BCOR: variants seen among roughly 807,000 people sequenced by gnomAD.
BCOR encodes the protein BCL-6 corepressor.
A neutral mutation model predicts 86.7 loss-of-function variants in BCOR; 10 were observed. The ratio of observed to expected loss-of-function variants is 0.12; its 90% confidence interval spans 0.07 to 0.20. The LOEUF (loss-of-function observed/expected upper bound fraction) is 0.20, where lower values mean the gene tolerates loss of function less well. BCOR is among the 10% of genes least tolerant of loss of function. The pLI, the probability that BCOR is intolerant of heterozygous loss-of-function variation, is 1.00. For missense variants in BCOR, 1,259 were observed against 1,452.1 expected (o/e 0.87, Z 2.16); for synonymous variants, 611 against 609.0 (o/e 1.00, Z -0.05).
intron 1 of BCOR, chrX:40,146,426 C>T (rs1938057067): frequency 9.0e-6 from 1 of 111,502 alleles, no homozygotes; most frequent in Admixed American, 9.3e-5. Flanking sequence ...GGCCGAGAGG[C>T]TGATTTAAAG....
chrX:40,136,564 T>A (rs1445013288), intron 1 of BCOR, among the ~76,000 whole-genome samples: 1 of 112,116 alleles, frequency 8.9e-6, no homozygotes, highest in Non-Finnish European at 1.9e-5. Flanking sequence ...TGCAATATTA[T>A]ATATTTTTAT....
At chrX:40,105,457 C>A (rs755026531) in intron 1 of BCOR, among the ~76,000 whole-genome samples, 7 of 112,218 alleles carry the variant, frequency 6.2e-5, no homozygotes, top group African/African-American at 2.3e-4. Context: ...CCTCCTCGCC[C>A]CAGGCGACCA....
intron 1 of BCOR, among the ~76,000 whole-genome samples, chrX:40,112,556 G>C (rs931875693): frequency 9.0e-6 from 1 of 111,381 alleles, no homozygotes; most frequent in African/African-American, 3.3e-5. Context: ...GGTGGTGCTA[G>C]GATTCAAATC....
chrX:40,121,765 GGAAA>G (rs919761914), intron 1 of BCOR, among the ~76,000 whole-genome samples: 2 of 112,275 alleles, frequency 1.8e-5, no homozygotes, highest in African/African-American at 6.5e-5. Context: ...TGAGTATGGG[GGAAA>G]GAGAGTTTCA....
chrX:40,059,238 T>C (rs1350963817), intron 10 of BCOR, among the ~76,000 whole-genome samples: 3 of 112,250 alleles, frequency 2.7e-5, no homozygotes, highest in African/African-American at 6.5e-5. Context: ...ACTTCTGATG[T>C]TCCCAAATGT....
chrX:40,090,432 C>T (rs886186610), intron 1 of BCOR, among the ~76,000 whole-genome samples: 3 of 112,968 alleles, frequency 2.7e-5, no homozygotes, highest in Non-Finnish European at 3.8e-5. Context: ...CAGTCCTCCC[C>T]GGCCCCCACC....
chrX:40,056,787 T>C (rs770777422), intron 11 of BCOR, among the ~76,000 whole-genome samples: 15 of 111,426 alleles, frequency 1.3e-4, no homozygotes, highest in African/African-American at 4.2e-4. Flanking sequence ...GAGGGGCAGC[T>C]GGCACTCTGT....
At chrX:40,065,678 T>C (rs1399634311) in intron 6 of BCOR, among the ~76,000 whole-genome samples, 1 of 112,239 alleles carries the variant, frequency 8.9e-6, no homozygotes, top group Non-Finnish European at 1.9e-5. Flanking sequence ...TGAATATAAA[T>C]GATAACTACT....
chrX:40,071,560 C>G (rs1935481532), intron 5 of BCOR, 77 bp downstream of exon 5: 1 of 757,570 alleles, frequency 1.3e-6, no homozygotes, highest in East Asian at 3.2e-5. Context: ...CACAAACTTC[C>G]CTTTGTATAT....
intron 1 of BCOR, among the ~76,000 whole-genome samples, chrX:40,078,964 G>A (rs967717612): frequency 1.8e-5 from 2 of 110,997 alleles, no homozygotes; most frequent in African/African-American, 6.6e-5. Context: ...GATTTTAATT[G>A]CTCTTTGGAG....
intron 1 of BCOR, among the ~76,000 whole-genome samples, chrX:40,142,915 C>T (rs909668878): frequency 4.5e-5 from 5 of 111,784 alleles, no homozygotes; most frequent in Non-Finnish European, 9.4e-5. Flanking sequence ...AGCTTCCTCT[C>T]AGCCTACGTA....
At chrX:40,163,181 C>T (rs890344157) in intron 1 of BCOR, among the ~76,000 whole-genome samples, 5 of 110,546 alleles carry the variant, frequency 4.5e-5, no homozygotes, top group Non-Finnish European at 9.5e-5. Context: ...TTGTTGGGAG[C>T]GATGAAGGGT....
At chrX:40,176,162 C>G (rs1383992663) in intron 1 of BCOR, among the ~76,000 whole-genome samples, 1 of 113,005 alleles carries the variant, frequency 8.8e-6, no homozygotes, top group Non-Finnish European at 1.9e-5. Context: ...CAGGTGGGGC[C>G]GATGGTTTGT....
At chrX:40,055,259 C>T in intron 12 of BCOR, 109 bp downstream of exon 12, 1 of 836,273 alleles carries the variant, frequency 1.2e-6, no homozygotes, top group Non-Finnish European at 1.8e-6. Context: ...CTCCTAAAAG[C>T]TTTACAGTTT....
chrX:40,139,445 T>A lies in BCOR; in HGVS notation c.-41+37562A>T, dbSNP rs780439789. Reference sequence around the variant, plus strand: ...ATATACATATATATATATATATATATAATATATATACATATATATATATAT... The same window carrying A: ...ATATACATATATATATATATATATAAAATATATATACATATATATATATAT... On this transcript the variant is annotated intron_variant, in intron 1 of 14. Transcript: ENST00000342274. 1.7e-3 allele frequency among the ~76,000 whole-genome samples: 13 copies of A among 7,845 alleles called. 1 individual carries two copies. In the African/African-American group the frequency reaches 0.025, roughly 15 times the overall value. The allele number at this position is 7,845 out of a possible 115,157, so 6.8% of individuals were successfully genotyped here.
At chrX:40,053,216 T>C (rs980993257) in intron 14 of BCOR, among the ~76,000 whole-genome samples, 1 of 112,280 alleles carries the variant, frequency 8.9e-6, no homozygotes, top group Non-Finnish European at 1.9e-5. Flanking sequence ...AGGTGTTACA[T>C]TCCTTGCATA....
chrX:40,062,384 G>A lies in BCOR; in HGVS notation c.4183C>T (p.Arg1395Trp), dbSNP rs1288166926. The change falls in exon 10 of 15, where the codon CGG becomes TGG. Residue 1395 changes from arginine (R) to tryptophan (W), a missense_variant. This residue lies in a region of BCOR where 305 missense variants were observed against 286.1 expected (regional missense o/e 1.07). Transcript: ENST00000378444. ...GGCTCCGGCCGCTTTCTGAATCTCC[G>A]GACAGTCACCTATCATAAAACCAAG... is the stretch of plus-strand genomic sequence containing the variant. ...VENADGKVTV[R>W]RFRKRPEPSS... 8 of 1,204,171 alleles carry A rather than the reference G, an allele frequency of 6.6e-6. No individual in the cohort carries two copies. The South Asian group carries it at 1.1e-4, about 16-fold the overall frequency.
intron 10 of BCOR, among the ~76,000 whole-genome samples, chrX:40,059,634 C>T (rs1934768855): frequency 8.9e-6 from 1 of 112,912 alleles, no homozygotes; most frequent in Non-Finnish European, 1.9e-5. Context: ...GTTTATTCTC[C>T]ACGCTGGAAA....
At chrX:40,089,049 C>T (rs1181407587) in intron 1 of BCOR, among the ~76,000 whole-genome samples, 5 of 111,497 alleles carry the variant, frequency 4.5e-5, no homozygotes, top group African/African-American at 1.3e-4. Flanking sequence ...CCTAGAATAC[C>T]CTCGTAGGGG....
Sources: gnomAD v4.1 joint callset for allele counts (sites outside exome capture counted in the v4.1 genomes callset) on GRCh38, gnomAD v4.1.1 for gene constraint, gnomAD v4.1.1 regional missense constraint, MANE v1.5 for transcripts, NCBI Gene and HGNC (gene_info 2026-07-23, HGNC 2026-07-21) for gene names.